CEP128: variants seen among roughly 807,000 people sequenced by gnomAD.
CEP128 encodes centrosomal protein 128.
Under a neutral mutation model 156.7 loss-of-function variants are expected in CEP128, and 132 were observed. The ratio of observed to expected loss-of-function variants is 0.84; its 90% CI spans 0.73 to 0.97. The LOEUF (loss-of-function observed/expected upper bound fraction) is 0.97, where lower values mean the gene tolerates loss of function less well. CEP128 is among the 50% of genes least tolerant of loss of function. The pLI is 0.00. For missense variants in CEP128, 1,252 were observed against 1,281.9 expected (o/e 0.98, Z 0.36); for synonymous variants, 469 against 448.9 (o/e 1.04, Z -0.57).
At chr14:80,739,785 A>C (rs1898714548) in intron 19 of CEP128, among the ~76,000 whole-genome samples, 1 of 152,190 alleles carries the variant, frequency 6.6e-6, no homozygotes, top group Non-Finnish European at 1.5e-5. Flanking sequence ...ACCGTCACGA[A>C]ATGAATAAAA....
At chr14:80,891,329 T>G (rs1449314926) in intron 8 of CEP128, among the ~76,000 whole-genome samples, 1 of 151,570 alleles carries the variant, frequency 6.6e-6, no homozygotes, top group African/African-American at 2.4e-5. Context: ...GAAGAATAAA[T>G]AAAGAAAATG....
At chr14:80,927,775 C>G (rs987814722) in intron 2 of CEP128, among the ~76,000 whole-genome samples, 3 of 152,230 alleles carry the variant, frequency 2.0e-5, no homozygotes, top group Non-Finnish European at 2.9e-5. Context: ...TTAGTTGTAG[C>G]TGTTTTTCAC....
At chr14:80,664,488 G>C (rs866359483) in intron 19 of CEP128, among the ~76,000 whole-genome samples, 1 of 118,506 alleles carries the variant, frequency 8.4e-6, no homozygotes, top group African/African-American at 4.1e-5. Flanking sequence ...CAGAATATGA[G>C]GGCAAAAAAA....
chr14:80,895,744 GT>G lies in CEP128; in HGVS notation c.618del (p.Lys206AsnfsTer51). On this transcript the variant is annotated frameshift_variant, in exon 8 of 25. Transcript: ENST00000555265. LOFTEE classifies it high-confidence loss of function. ...ACTTCTTGTTTCTGGGCTTCATTAA[GT>G]TTTTCAGTCAATTCTTCCAAAGCCC... ...TKRALEELTE[K>X]LNEAQKQEVV... is the part of the protein sequence containing the mutation. 1 of 1,544,768 alleles carries G rather than the reference GT, an allele frequency of 6.5e-7. No individual in the cohort carries two copies.
intron 19 of CEP128, among the ~76,000 whole-genome samples, chr14:80,633,826 G>A (rs1283158508): frequency 1.3e-5 from 2 of 152,066 alleles, no homozygotes; most frequent in Admixed American, 1.3e-4. Context: ...TGTGCCCATG[G>A]GAGGTGTCCC....
chr14:80,951,571 C>T lies in CEP128; in HGVS notation c.-172+6607G>A, dbSNP rs1166716808. Among the ~76,000 whole-genome samples the T allele has an allele frequency of 2.0e-5, 3 of 152,034 alleles. No homozygotes were observed. The South Asian group carries it at 6.2e-4, about 32-fold the overall frequency. On this transcript the variant is annotated intron_variant, in intron 2 of 7. Coordinates refer to the CEP128 transcript ENST00000555529. ...AATCATAAAAATTCCTTAATGACTC[C>T]AAACATATGTTTAAAATAAAAGGAG...
chr14:80,547,548 A>G (rs1351061901), intron 21 of CEP128, among the ~76,000 whole-genome samples: 3 of 152,170 alleles, frequency 2.0e-5, no homozygotes, highest in Non-Finnish European at 4.4e-5. Flanking sequence ...GGGTATTGAC[A>G]AGGATTTCTA....
At chr14:80,788,853 G>A (rs980982719) in intron 14 of CEP128, among the ~76,000 whole-genome samples, 8 of 151,996 alleles carry the variant, frequency 5.3e-5, no homozygotes, top group South Asian at 2.1e-4. Flanking sequence ...ATCCCAATCC[G>A]AAATGGCTTA....
At chr14:80,757,253 C>T (rs1039382414) in intron 17 of CEP128, among the ~76,000 whole-genome samples, 2 of 152,062 alleles carry the variant, frequency 1.3e-5, no homozygotes, top group Non-Finnish European at 2.9e-5. Context: ...TGGCAAACAG[C>T]TTCAATTAAA....
At chr14:80,580,597 T>A (rs1004257520) in intron 19 of CEP128, among the ~76,000 whole-genome samples, 174 bp from the exon 20 acceptor site, 3 of 152,192 alleles carry the variant, frequency 2.0e-5, no homozygotes, top group African/African-American at 7.2e-5. Context: ...ACTGAGGACA[T>A]GGCAGAGCGC....
intron 19 of CEP128, among the ~76,000 whole-genome samples, chr14:80,667,880 T>TG (rs1491215250): frequency 7.8e-6 from 1 of 128,168 alleles, no homozygotes; most frequent in Admixed American, 7.7e-5. Flanking sequence ...AAAAAGGAAA[T>TG]GAATTTCCTT....
chr14:80,826,462 G>A (rs1885486348), intron 13 of CEP128, among the ~76,000 whole-genome samples: 1 of 152,058 alleles, frequency 6.6e-6, no homozygotes, highest in Admixed American at 6.5e-5. Flanking sequence ...TCTCCAAAAA[G>A]GGTTTAATCT....
chr14:80,679,196 C>G (rs1444687168), intron 19 of CEP128, among the ~76,000 whole-genome samples: 4 of 152,066 alleles, frequency 2.6e-5, no homozygotes, highest in Admixed American at 6.5e-5. Flanking sequence ...AATATGAAAT[C>G]AGTGCACCTT....
chr14:80,682,821 C>A (rs902637188), intron 19 of CEP128, among the ~76,000 whole-genome samples: 1 of 152,122 alleles, frequency 6.6e-6, no homozygotes, highest in East Asian at 1.9e-4. Flanking sequence ...TTCCAAAAAA[C>A]AATTTCATTT....
intron 16 of CEP128, among the ~76,000 whole-genome samples, chr14:80,774,615 G>C (rs558679361): frequency 8.6e-5 from 13 of 152,016 alleles, no homozygotes; most frequent in Non-Finnish European, 1.8e-4. Context: ...ACATATGTGT[G>C]TGTGTGTGTG....
intron 19 of CEP128, among the ~76,000 whole-genome samples, chr14:80,597,167 T>G (rs1469425574): frequency 1.3e-5 from 2 of 151,860 alleles, no homozygotes; most frequent in Non-Finnish European, 2.9e-5. Flanking sequence ...TTGACAAACC[T>G]TTACCAAGAT....
At chr14:80,525,503 C>T (rs766951825) in intron 23 of CEP128, among the ~76,000 whole-genome samples, 2 of 152,150 alleles carry the variant, frequency 1.3e-5, no homozygotes, top group Non-Finnish European at 2.9e-5. Context: ...GCTCAATAAT[C>T]ATTAGCTCTC....
chr14:80,739,798 TA>T (rs1898715171), intron 19 of CEP128, among the ~76,000 whole-genome samples: 1 of 152,156 alleles, frequency 6.6e-6, no homozygotes, highest in South Asian at 2.1e-4. Flanking sequence ...GAATAAAATA[TA>T]AACTATTTAA....
intron 19 of CEP128, among the ~76,000 whole-genome samples, chr14:80,698,546 A>T (rs930630098): frequency 6.6e-6 from 1 of 152,178 alleles, no homozygotes; most frequent in Non-Finnish European, 1.5e-5. Flanking sequence ...ACCAATTATC[A>T]ACCTCAACTA....
Sources: gnomAD v4.1 joint callset for allele counts (sites outside exome capture counted in the v4.1 genomes callset) on GRCh38, gnomAD v4.1.1 for gene constraint, MANE v1.5 for transcripts, NCBI Gene and HGNC (gene_info 2026-07-23, HGNC 2026-07-21) for gene names.